The following FHL2 variants were observed in gnomAD, a reference collection of about 807,000 sequenced individuals.
FHL2 encodes four and a half LIM domains protein 2.
A neutral mutation model predicts 32.7 loss-of-function variants in FHL2; 20 were observed. That is an observed-to-expected ratio of 0.61 (90% CI 0.43 to 0.89). The LOEUF (loss-of-function observed/expected upper bound fraction) is 0.89. Among genes scored for constraint, FHL2 ranks in the 40% least tolerant of loss-of-function variants. The pLI, the probability that FHL2 is intolerant of heterozygous loss-of-function variation, is 0.00. For synonymous variants in FHL2, 123 were observed against 128.1 expected (o/e 0.96, Z 0.27); for missense variants, 311 against 358.6 (o/e 0.87, Z 1.07).
chr2:105,398,794 C>A lies in FHL2; in HGVS notation c.-76+48G>T, dbSNP rs890170938. ...GGCTTCTCCCCGCACGGTTCGGGTC[C>A]CCTCTCCCAGTGGTCTTCCCGGACC... On this transcript the variant is annotated intron_variant, in intron 1 of 6. Coordinates refer to ENST00000530340, the MANE Select transcript of FHL2 (RefSeq NM_001318895.3). 1.1e-5 allele frequency: 15 copies of A among 1,367,924 alleles called. No homozygotes were observed. The Admixed American group carries it at 3.1e-4, about 28-fold the overall frequency. 84.7% of individuals were successfully genotyped at this position (1,367,924 alleles called of 1,614,324 possible).
rs1573306204 is a variant in FHL2 at position 105,373,578 on chromosome 2, G to A, written c.312C>T (p.Cys104=). ...CCTGACCTGGCATGATGGTCTTCTT[G>A]CATTCCTGGCACTTGGATGAGTACT... ...SNEYSSKCQE[C]KKTIMPGTRK... Residue 104 remains cysteine (C), a synonymous_variant, in exon 4 of 7, where the codon TGC becomes TGT. Coordinates refer to ENST00000530340, the MANE Select transcript of FHL2 (RefSeq NM_001318895.3). 4 of 1,614,080 alleles carry A rather than the reference G, an allele frequency of 2.5e-6. No individual in the cohort carries two copies. Among genetic ancestry groups the A allele is most frequent in the African/African-American group, 2.7e-5 (2 of 74,930 alleles).
chr2:105,358,863 G>A (rs1197805495), downstream of FHL2: 1 of 152,194 alleles, frequency 6.6e-6, no homozygotes, highest in East Asian at 1.9e-4. Flanking sequence ...TTCATGCGAC[G>A]AACTTGGGGC....
upstream of FHL2, among the ~76,000 whole-genome samples, chr2:105,401,833 G>A (rs555558361): frequency 6.6e-6 from 1 of 152,184 alleles, no homozygotes; most frequent in South Asian, 2.1e-4. Flanking sequence ...GCAAAGAAAG[G>A]ACGGGGGAAG....
At chr2:105,430,848 C>A (rs1018096078) in intron 1 of FHL2, among the ~76,000 whole-genome samples, 6 of 152,178 alleles carry the variant, frequency 3.9e-5, no homozygotes, top group Non-Finnish European at 8.8e-5. Context: ...TGAATCAGAG[C>A]AGACAGGCCT....
At chr2:105,393,576 G>A (rs745741542) in intron 2 of FHL2, among the ~76,000 whole-genome samples, 2 of 152,130 alleles carry the variant, frequency 1.3e-5, no homozygotes, top group African/African-American at 2.4e-5. Context: ...ACTACCTGTC[G>A]CTGAGACCTC....
intron 1 of FHL2, among the ~76,000 whole-genome samples, chr2:105,419,560 G>C (rs890892494): frequency 1.3e-5 from 2 of 152,212 alleles, no homozygotes; most frequent in African/African-American, 4.8e-5. Context: ...CACCAAGACA[G>C]GTCTGCACAA....
At chr2:105,396,504 A>G in intron 2 of FHL2, 143 bp downstream of exon 2, 1 of 676,110 alleles carries the variant, frequency 1.5e-6, no homozygotes, top group South Asian at 1.9e-5. Context: ...ATCCAAAAAC[A>G]CCCTCCCAGA....
intron 1 of FHL2, among the ~76,000 whole-genome samples, chr2:105,431,459 G>A (rs773355430): frequency 6.6e-6 from 1 of 152,212 alleles, no homozygotes; most frequent in Non-Finnish European, 1.5e-5. Flanking sequence ...ATGAAGGAAG[G>A]AGGAAGGCAT....
At chr2:105,365,608 A>C (rs2104496785) in intron 5 of FHL2, among the ~76,000 whole-genome samples, 1 of 152,024 alleles carries the variant, frequency 6.6e-6, no homozygotes. Flanking sequence ...GCTCAATCTA[A>C]GAATAAAGAA....
At chr2:105,367,486 G>A in intron 5 of FHL2, 84 bp downstream of exon 5, 1 of 1,381,328 alleles carries the variant, frequency 7.2e-7, no homozygotes, top group Non-Finnish European at 9.9e-7. Flanking sequence ...AGGTATCCTT[G>A]GTTTTGGAAA....
At position 105,399,000 on chromosome 2, in the gene FHL2, G is replaced by A. The variant is rs1426954830; in HGVS notation, c.-234C>T. 2.0e-6 allele frequency: 3 copies of A among 1,490,874 alleles called. No homozygotes were observed. Among genetic ancestry groups the A allele is most frequent in the East Asian group, 5.6e-5 (2 of 35,418 alleles). 92.4% of individuals were successfully genotyped at this position (1,490,874 alleles called of 1,614,324 possible). A position where few individuals can be genotyped will look rare whatever the true frequency, so the allele number is the denominator to read the frequency against. On this transcript the variant is annotated 5_prime_UTR_variant, in exon 1 of 7. Transcript: ENST00000530340. Reference sequence around the variant, plus strand: ...CGCAGCGGGCCGGGGACTCCCGGACGGGGCTGGAGGGCGCGGGCGGCTGGT... The same window carrying A: ...CGCAGCGGGCCGGGGACTCCCGGACAGGGCTGGAGGGCGCGGGCGGCTGGT...
intron 1 of FHL2, among the ~76,000 whole-genome samples, chr2:105,428,783 C>T (rs1357469343): frequency 6.6e-6 from 1 of 152,230 alleles, no homozygotes; most frequent in African/African-American, 2.4e-5. Context: ...TCCTTACCTG[C>T]TCCTCTTACT....
intron 1 of FHL2, among the ~76,000 whole-genome samples, chr2:105,432,240 AT>A (rs1684458191): frequency 6.6e-6 from 1 of 152,148 alleles, no homozygotes; most frequent in Non-Finnish European, 1.5e-5. Context: ...CTGCTCATAG[AT>A]TTTTGCATTT....
intron 4 of FHL2, among the ~76,000 whole-genome samples, chr2:105,371,546 ATCTCTCTCTCTC>A (rs10701119): frequency 0.079 from 11,209 of 141,072 alleles, 447 homozygotes; most frequent in African/African-American, 0.11. Flanking sequence ...ATCCCTTGAA[ATCTCTCTCTCTC>A]TCTCTCTCTC....
At chr2:105,392,194 C>T (rs922997539) in intron 2 of FHL2, among the ~76,000 whole-genome samples, 1 of 152,146 alleles carries the variant, frequency 6.6e-6, no homozygotes, top group Non-Finnish European at 1.5e-5. Flanking sequence ...AAGAATAGGT[C>T]GGGTACAGAG....
intron 1 of FHL2, among the ~76,000 whole-genome samples, chr2:105,429,218 C>G (rs376407814): frequency 6.6e-6 from 1 of 152,150 alleles, no homozygotes; most frequent in African/African-American, 2.4e-5. Context: ...GTCAAGAAAT[C>G]GGCTGGGAGT....
At chr2:105,392,871 G>C (rs377416660) in intron 2 of FHL2, among the ~76,000 whole-genome samples, 1 of 139,704 alleles carries the variant, frequency 7.2e-6, no homozygotes, top group African/African-American at 2.6e-5. Flanking sequence ...CCAGGCTGGA[G>C]TGCACTGGCC....
intron 2 of FHL2, among the ~76,000 whole-genome samples, chr2:105,388,844 A>AT (rs1486977774): frequency 6.6e-6 from 1 of 151,984 alleles, no homozygotes; most frequent in African/African-American, 2.4e-5. Context: ...AAAAAAAAAA[A>AT]ATAGGTACAC....
upstream of FHL2, among the ~76,000 whole-genome samples, chr2:105,402,096 T>C (rs7574265): frequency 1.4e-5 from 2 of 140,410 alleles, no homozygotes; most frequent in Admixed American, 7.2e-5. Context: ...TATATATACG[T>C]GTATATATAC....
Sources: allele counts gnomAD v4.1 joint callset (sites outside exome capture counted in the v4.1 genomes callset), GRCh38; gene constraint gnomAD v4.1.1; transcripts MANE v1.5; gene names NCBI Gene and HGNC (gene_info 2026-07-23, HGNC 2026-07-21).